The following CCDC141 variants were observed in gnomAD, a reference collection of about 807,000 sequenced individuals.
The protein encoded by CCDC141 is coiled-coil domain containing 141.
A neutral mutation model predicts 181.0 loss-of-function variants in CCDC141; 168 were observed. The observed-to-expected ratio is 0.93, with a 90% CI of 0.82 to 1.05. CCDC141 has a LOEUF of 1.05. CCDC141 is among the 50% of genes least tolerant of loss of function. The pLI, the probability that CCDC141 is intolerant of heterozygous loss-of-function variation, is 0.00. For missense variants in CCDC141, 1,902 were observed against 1,788.5 expected (o/e 1.06, Z -1.14); for synonymous variants, 666 against 642.3 (o/e 1.04, Z -0.56).
At chr2:178,980,801 A>G (rs1315518562) in intron 2 of CCDC141, among the ~76,000 whole-genome samples, 1 of 152,244 alleles carries the variant, frequency 6.6e-6, no homozygotes, top group East Asian at 1.9e-4. Flanking sequence ...TTTGCAATGT[A>G]TACATACCTC....
chr2:178,961,413 C>T lies in CCDC141; in HGVS notation c.597G>A (p.Lys199=), dbSNP rs1690391952. Residue 199 remains lysine, a synonymous_variant, in exon 5 of 24, where the codon AAG becomes AAA. Transcript: ENST00000443758. ...QQLTDFIEKF[K]CEGPNVNPEL... The stretch of plus-strand genomic sequence containing the variant: ...CAGGATTCACATTAGGTCCTTCACA[C>T]TTGAATTTTTCTATGAAGTCAGTGA... 1 of 1,550,360 alleles carries T rather than the reference C, an allele frequency of 6.5e-7. No individual in the cohort carries two copies. The highest frequency in any genetic ancestry group is 1.4e-5 in the African/African-American group (1 of 73,026).
intron 2 of CCDC141, among the ~76,000 whole-genome samples, chr2:179,004,624 T>C (rs2042072835): frequency 1.3e-5 from 2 of 152,236 alleles, no homozygotes; most frequent in South Asian, 2.1e-4. Context: ...ATTTCTATTC[T>C]ATGAATGACA....
Position 179,015,540 on chromosome 2 carries a change from T to A in CCDC141, c.225+31744A>T, listed in dbSNP as rs563445270. Among the ~76,000 whole-genome samples, 14 of 54,514 alleles carry A rather than the reference T, an allele frequency of 2.6e-4. 1 individual carries two copies. Among genetic ancestry groups the A allele is most frequent in the Non-Finnish European group, 5.8e-4 (13 of 22,236 alleles). 35.8% of individuals were successfully genotyped at this position (54,514 alleles called of 152,430 possible). The stretch of plus-strand genomic sequence containing the variant: ...TATCACATATATCTCATATATATGA[T>A]ATATATATCTCATATCTCATATATA... On this transcript the variant is annotated intron_variant, in intron 2 of 23. Transcript: ENST00000443758.
intron 6 of CCDC141, among the ~76,000 whole-genome samples, chr2:178,924,639 A>T (rs754759966): frequency 6.6e-6 from 1 of 152,156 alleles, no homozygotes; most frequent in African/African-American, 2.4e-5. Flanking sequence ...GACCTATACA[A>T]ATGTCAGGGT....
intron 5 of CCDC141, among the ~76,000 whole-genome samples, chr2:178,948,002 C>G (rs988932972): frequency 6.6e-6 from 1 of 152,036 alleles, no homozygotes; most frequent in Non-Finnish European, 1.5e-5. Context: ...GAGTTTGAGA[C>G]CAGCCTGGGC....
At chr2:178,887,879 A>T (rs1373666327) in intron 9 of CCDC141, among the ~76,000 whole-genome samples, 1 of 152,218 alleles carries the variant, frequency 6.6e-6, no homozygotes, top group African/African-American at 2.4e-5. Flanking sequence ...AGATATTACT[A>T]GTTTTTACTA....
chr2:178,955,083 A>G (rs1280008531), intron 5 of CCDC141, among the ~76,000 whole-genome samples: 1 of 152,036 alleles, frequency 6.6e-6, no homozygotes, highest in Admixed American at 6.6e-5. Flanking sequence ...CCAGGAGTTC[A>G]AGACCATCCT....
At chr2:179,015,754 CTCATATATA>C (rs1260604977) in intron 2 of CCDC141, among the ~76,000 whole-genome samples, 4 of 83,482 alleles carry the variant, frequency 4.8e-5, no homozygotes, top group African/African-American at 1.2e-4. Context: ...TTATATATAT[CTCATATATA>C]TCATATATAT....
chr2:178,831,952 C>T lies in CCDC141; in HGVS notation c.*2221G>A, dbSNP rs913880174. The stretch of plus-strand genomic sequence containing the variant: ...GATGCATATGTATCTCATTCTGCTC[C>T]CCAAAGAGTTAACATGAACAAGCAT... On this transcript the variant is annotated 3_prime_UTR_variant, in exon 24 of 24. Coordinates refer to ENST00000443758, the MANE Select transcript of CCDC141 (RefSeq NM_173648.4). 1 of 151,968 alleles carries T rather than the reference C, an allele frequency of 6.6e-6. No individual in the cohort carries two copies. The highest frequency in any genetic ancestry group is 1.5e-5 in the Non-Finnish European group (1 of 68,004). The allele number at this position is 151,968 out of a possible 1,614,324, so 9.4% of individuals were successfully genotyped here.
intron 2 of CCDC141, among the ~76,000 whole-genome samples, chr2:178,982,757 C>T (rs367657534): frequency 1.2e-4 from 19 of 152,248 alleles, no homozygotes; most frequent in African/African-American, 1.4e-4. Flanking sequence ...GCTTTTCTGA[C>T]GGGCTTAAAA....
At chr2:179,045,233 A>G (rs1165742739) in intron 2 of CCDC141, among the ~76,000 whole-genome samples, 5 of 144,538 alleles carry the variant, frequency 3.5e-5, no homozygotes, top group East Asian at 2.1e-4. Flanking sequence ...TCATTGTTCA[A>G]TTCCCACCTA....
At chr2:178,887,079 C>G (rs1036399817) in intron 9 of CCDC141, among the ~76,000 whole-genome samples, 1 of 152,026 alleles carries the variant, frequency 6.6e-6, no homozygotes, top group Non-Finnish European at 1.5e-5. Context: ...TGTGGTCTAC[C>G]AACAAATGTT....
intron 8 of CCDC141, among the ~76,000 whole-genome samples, chr2:178,889,914 T>C (rs1262075899): frequency 1.3e-5 from 2 of 152,186 alleles, no homozygotes; most frequent in African/African-American, 4.8e-5. Context: ...TAAGAAATAG[T>C]TCTTAACAAC....
chr2:178,834,141 G>A lies in CCDC141; in HGVS notation c.*32C>T. 1 of 1,526,468 alleles carries A rather than the reference G, an allele frequency of 6.6e-7. No individual in the cohort carries two copies. Among genetic ancestry groups the A allele is most frequent in the South Asian group, 1.2e-5 (1 of 83,700 alleles). The allele number at this position is 1,526,468 out of a possible 1,614,324, so 94.6% of individuals were successfully genotyped here. A position where few individuals can be genotyped will look rare whatever the true frequency, so the allele number is the denominator to read the frequency against. ...CGGCGGCACTTTTCTTTAGGCACATGAGAATGATGTCCATTGGTGCCAACA... is the reference window on the plus strand; with the variant it reads ...CGGCGGCACTTTTCTTTAGGCACATAAGAATGATGTCCATTGGTGCCAACA... On this transcript the variant is annotated 3_prime_UTR_variant, in exon 24 of 24. Transcript: ENST00000443758.
At position 178,831,083 on chromosome 2, in the gene CCDC141, T is replaced by C. The variant is rs1205653675; in HGVS notation, c.*3090A>G. The C allele has an allele frequency of 2.6e-5, 4 of 152,176 alleles. No individual in the cohort carries two copies. 9.4% of individuals were successfully genotyped at this position (152,176 alleles called of 1,614,324 possible). A position where few individuals can be genotyped will look rare whatever the true frequency, so the allele number is the denominator to read the frequency against. On this transcript the variant is annotated 3_prime_UTR_variant, in exon 24 of 24. Coordinates refer to ENST00000443758, the MANE Select transcript of CCDC141 (RefSeq NM_173648.4). The stretch of plus-strand genomic sequence containing the variant: ...AAGTATGTGTCTTGATTATGAGTGA[T>C]AGAGGTTACCATTATTGATTAATAT...
At position 178,832,460 on chromosome 2, in the gene CCDC141, T is replaced by G. The variant is rs1334557608; in HGVS notation, c.*1713A>C. ...TGCACTGGGCAAGAGAGCAAGACTC[T>G]TTCTCAAAAAAAAAAAAAAAAAACA... On this transcript the variant is annotated 3_prime_UTR_variant, in exon 24 of 24. Transcript: ENST00000443758. 7.4e-6 allele frequency: 1 copy of G among 134,710 alleles called. No individual in the cohort carries two copies. The highest frequency in any genetic ancestry group is 2.7e-5 in the African/African-American group (1 of 36,474). 8.3% of individuals were successfully genotyped at this position (134,710 alleles called of 1,614,324 possible).
chr2:178,819,227 T>G, the CCDC141 span, among the ~76,000 whole-genome samples: 1 of 152,224 alleles, frequency 6.6e-6, no homozygotes, highest in East Asian at 1.9e-4. Flanking sequence ...CTTTTTTTGC[T>G]GTCAAATTCC....
chr2:178,967,705 G>A (rs575003142), intron 4 of CCDC141, among the ~76,000 whole-genome samples: 6 of 152,168 alleles, frequency 3.9e-5, no homozygotes, highest in South Asian at 2.1e-4. Context: ...CAACCAGCTA[G>A]CATCATAATG....
downstream of CCDC141, among the ~76,000 whole-genome samples, chr2:178,827,027 A>G (rs1249064203): frequency 2.0e-5 from 3 of 152,024 alleles, no homozygotes; most frequent in East Asian, 1.9e-4. Flanking sequence ...CTATTTTTCT[A>G]CATCCCACAG....
Sources: allele counts gnomAD v4.1 joint callset (sites outside exome capture counted in the v4.1 genomes callset), GRCh38; gene constraint gnomAD v4.1.1; transcripts MANE v1.5; gene names NCBI Gene and HGNC (gene_info 2026-07-23, HGNC 2026-07-21).